ABCA10: variants seen among roughly 807,000 people sequenced by gnomAD.
The protein encoded by ABCA10 is ATP-binding cassette sub-family A member 10.
In ABCA10, 169 loss-of-function variants were observed where a neutral mutation model predicts 187.5. That is an observed-to-expected ratio of 0.90 (90% CI 0.80 to 1.02). ABCA10 has a LOEUF of 1.02. Among genes scored for constraint, ABCA10 ranks in the 50% least tolerant of loss-of-function variants. The probability of loss-of-function intolerance (pLI) is 0.00; values close to 1 mark genes in which losing one functional copy is unlikely to be tolerated. For missense variants in ABCA10, 1,727 were observed against 1,812.4 expected (o/e 0.95, Z 0.86); for synonymous variants, 574 against 601.8 (o/e 0.95, Z 0.68).
intron 9 of ABCA10, among the ~76,000 whole-genome samples, chr17:69,202,127 A>G (rs2074551113): frequency 6.6e-6 from 1 of 152,230 alleles, no homozygotes; most frequent in Admixed American, 6.5e-5. Flanking sequence ...AAGTTAAGAC[A>G]GTGCTGTGGC....
At chr17:69,173,648 AG>A in intron 25 of ABCA10, among the ~76,000 whole-genome samples, 1 of 152,214 alleles carries the variant, frequency 6.6e-6, no homozygotes, top group African/African-American at 2.4e-5. Context: ...CCAACCTTTT[AG>A]ATTTTTTTTA....
rs2074801349 is a variant in ABCA10 at position 69,227,163 on chromosome 17, T to C, written c.-190A>G. ...ATCATACCAATAAACTCTCTTTTTA[T>C]TCTCCATTTTTTAAGAAAATTCTTG... On this transcript the variant is annotated 5_prime_UTR_variant, in exon 2 of 39. Coordinates refer to ENST00000690296, the MANE Select transcript of ABCA10 (RefSeq NM_001377321.1). 6.9e-6 allele frequency: 1 copy of C among 144,418 alleles called. No individual in the cohort carries two copies. The highest frequency in any genetic ancestry group is 2.5e-5 in the African/African-American group (1 of 40,012). The allele number at this position is 144,418 out of a possible 1,614,324, so 8.9% of individuals were successfully genotyped here. A position where few individuals can be genotyped will look rare whatever the true frequency, so the allele number is the denominator to read the frequency against.
At chr17:69,156,214 G>A (rs1440206588) in intron 28 of ABCA10, among the ~76,000 whole-genome samples, 1 of 152,042 alleles carries the variant, frequency 6.6e-6, no homozygotes, top group Non-Finnish European at 1.5e-5. Context: ...CTTTTAGTCT[G>A]TCACCATCCA....
At position 69,175,478 on chromosome 17, in the gene ABCA10, C is replaced by T. The variant is rs1324161401; in HGVS notation, c.2805G>A (p.Gly935=). The change falls in exon 23 of 39, where the codon GGG becomes GGA. Residue 935 remains glycine (G), a synonymous_variant. Transcript: ENST00000690296. ...TTGTGATCAACAACAAAAATATGGA[C>T]CCATCTATAAAACCAAGATCCAGCA... ...DIVLDLGFID[G]SIFLLLITNC... is the part of the protein sequence containing the mutation. 6.2e-7 allele frequency: 1 copy of T among 1,611,544 alleles called. No homozygotes were observed. The highest frequency in any genetic ancestry group is 2.2e-5 in the East Asian group (1 of 44,760).
At chr17:69,211,314 G>T (rs1232366099) in intron 9 of ABCA10, among the ~76,000 whole-genome samples, 17 of 30,346 alleles carry the variant, frequency 5.6e-4, no homozygotes, top group East Asian at 3.9e-3. Context: ...TCATATATAT[G>T]ATATATATAT....
intron 27 of ABCA10, among the ~76,000 whole-genome samples, chr17:69,161,025 G>T (rs1035325369): frequency 6.6e-6 from 1 of 152,138 alleles, no homozygotes; most frequent in Non-Finnish European, 1.5e-5. Flanking sequence ...AGAATGAATA[G>T]ATTTTTTAAA....
rs576202716 is a variant in ABCA10 at position 69,174,660 on chromosome 17, A to G, written c.2995T>C (p.Tyr999His). ...FLILFSIHLI[Y>H]YFIFLGFQLS... ...TGGAATCCCAGAAATATGAAGTAGT[A>G]AATTAAATGTATTGAAAAGAGAATC... is the stretch of plus-strand genomic sequence containing the variant. The change falls in exon 24 of 39, where the codon TAC becomes CAC. Residue 999 changes from tyrosine (Y) to histidine (H), a missense_variant. By Grantham distance (83) the Tyr-to-His change is moderately conservative. Coordinates refer to ENST00000690296, the MANE Select transcript of ABCA10 (RefSeq NM_001377321.1). 1 of 1,611,910 alleles carries G rather than the reference A, an allele frequency of 6.2e-7. No homozygotes were observed. The highest frequency in any genetic ancestry group is 1.1e-5 in the South Asian group (1 of 90,732).
In ABCA10 at chr17:69,210,238, G is replaced by A. The variant is rs553848350; in HGVS notation, c.1006+4466C>T. ...CGCTCTGTCGCCCAGGCCGGACTGC[G>A]GACTGCAGTGGCGCAATCTCGGCTC... On this transcript the variant is annotated intron_variant, in intron 9 of 38. Coordinates refer to ENST00000690296, the MANE Select transcript of ABCA10 (RefSeq NM_001377321.1). 6.1e-3 allele frequency among the ~76,000 whole-genome samples: 801 copies of A among 131,170 alleles called. 7 individuals are homozygous for A. The highest frequency in any genetic ancestry group is 0.024 in the African/African-American group (764 of 32,418). 86.1% of individuals were successfully genotyped at this position (131,170 alleles called of 152,430 possible).
Position 69,215,842 on chromosome 17 carries a change from A to C in ABCA10, c.831T>G (p.Pro277=). Residue 277 remains proline, a synonymous_variant, in exon 8 of 39, where the codon CCT becomes CCG. Transcript: ENST00000690296. ...SLGWVLSLLS[P]FAFTAGMAQI... Reference sequence around the variant, plus strand: ...GGGCCATTCCAGCAGTGAAGGCAAAAGGGCTAAGAAGACTTAATACCCATC... The same window carrying C: ...GGGCCATTCCAGCAGTGAAGGCAAACGGGCTAAGAAGACTTAATACCCATC... 1 of 1,590,892 alleles carries C rather than the reference A, an allele frequency of 6.3e-7. No individual in the cohort carries two copies. The highest frequency in any genetic ancestry group is 8.5e-7 in the Non-Finnish European group (1 of 1,172,576).
intron 36 of ABCA10, among the ~76,000 whole-genome samples, chr17:69,151,248 GTGTC>G (rs1257325868): frequency 2.6e-5 from 4 of 152,134 alleles, no homozygotes; most frequent in African/African-American, 9.7e-5. Context: ...CCTGGAAACA[GTGTC>G]TGTTACTCCC....
chr17:69,170,983 C>G (rs943640612), intron 25 of ABCA10, among the ~76,000 whole-genome samples: 2 of 152,202 alleles, frequency 1.3e-5, no homozygotes, highest in Non-Finnish European at 1.5e-5. Context: ...CATATTGAGG[C>G]ATGATACTCT....
chr17:69,230,302 T>C (rs2074823310), upstream of ABCA10, among the ~76,000 whole-genome samples: 1 of 152,120 alleles, frequency 6.6e-6, no homozygotes, highest in Non-Finnish European at 1.5e-5. Flanking sequence ...ATCTGTGGTG[T>C]TCTGTTATAG....
intron 27 of ABCA10, among the ~76,000 whole-genome samples, chr17:69,157,657 T>C (rs2074184567): frequency 6.6e-6 from 1 of 152,084 alleles, no homozygotes. Flanking sequence ...GTAATAGTTA[T>C]CCCAGAAACA....
At chr17:69,197,218 G>C in intron 10 of ABCA10, 96 bp from the exon 11 acceptor site, 7 of 956,086 alleles carry the variant, frequency 7.3e-6, no homozygotes, top group Non-Finnish European at 1.1e-5. Context: ...CACAGTAAAG[G>C]GTATCACTCT....
At position 69,193,798 on chromosome 17, in the gene ABCA10, T is replaced by C; in HGVS notation, c.1521+16A>G. The C allele has an allele frequency of 6.2e-7, 1 of 1,607,336 alleles. No homozygotes were observed. Among genetic ancestry groups the C allele is most frequent in the Non-Finnish European group, 8.5e-7 (1 of 1,178,278 alleles). On this transcript the variant is annotated intron_variant, in intron 13 of 38. Coordinates refer to ENST00000690296, the MANE Select transcript of ABCA10 (RefSeq NM_001377321.1). ...AAATTATTTCCAAAGCCATCAATCTTAATGTGTTCCTGTACCTCTTGTTCC... is the reference window on the plus strand; with the variant it reads ...AAATTATTTCCAAAGCCATCAATCTCAATGTGTTCCTGTACCTCTTGTTCC...
chr17:69,167,606 A>ATG (rs1326422306), intron 25 of ABCA10, among the ~76,000 whole-genome samples: 1 of 152,198 alleles, frequency 6.6e-6, no homozygotes, highest in East Asian at 1.9e-4. Context: ...ACCACACCAG[A>ATG]GAAATTAACA....
intron 34 of ABCA10, 132 bp from the exon 35 acceptor site, chr17:69,152,613 C>A: frequency 1.5e-6 from 2 of 1,293,598 alleles, no homozygotes; most frequent in Non-Finnish European, 2.1e-6. Flanking sequence ...TGGTGAAACC[C>A]CATCTCCACA....
intron 18 of ABCA10, 70 bp downstream of exon 18, chr17:69,190,288 T>A (rs1166652189): frequency 6.9e-7 from 1 of 1,443,122 alleles, no homozygotes; most frequent in African/African-American, 1.5e-5. Flanking sequence ...TCTACAAATA[T>A]GAATTAGAAC....
intron 22 of ABCA10, among the ~76,000 whole-genome samples, chr17:69,180,462 T>A (rs1163653353): frequency 6.6e-6 from 1 of 152,100 alleles, no homozygotes; most frequent in African/African-American, 2.4e-5. Flanking sequence ...CATTAAAGCA[T>A]CTGCTGAAAA....
Sources: allele counts gnomAD v4.1 joint callset (sites outside exome capture counted in the v4.1 genomes callset), GRCh38; gene constraint gnomAD v4.1.1; transcripts MANE v1.5; gene names NCBI Gene and HGNC (gene_info 2026-07-23, HGNC 2026-07-21).